DIP2B: variants seen among roughly 807,000 people sequenced by gnomAD.
The protein encoded by DIP2B is disco-interacting protein 2 homolog B.
In DIP2B, 76 loss-of-function variants were observed where a neutral mutation model predicts 198.0. The observed-to-expected ratio is 0.38, with a 90% CI of 0.32 to 0.46. DIP2B has a LOEUF of 0.46. Ranked by LOEUF, DIP2B falls within the 20% of genes least tolerant of loss-of-function variation. DIP2B has a pLI of 0.99. For synonymous variants in DIP2B, 701 were observed against 739.1 expected (o/e 0.95, Z 0.84); for missense variants, 1,559 against 1,978.4 (o/e 0.79, Z 4.02).
chr12:50,539,343 A>T (rs1958298791), intron 1 of DIP2B, among the ~76,000 whole-genome samples: 1 of 151,592 alleles, frequency 6.6e-6, no homozygotes, highest in South Asian at 2.1e-4. Context: ...AAGTGTATGC[A>T]CAGGCCGGGT....
intron 1 of DIP2B, among the ~76,000 whole-genome samples, chr12:50,616,967 C>A (rs1937710833): frequency 1.3e-5 from 2 of 151,916 alleles, no homozygotes; most frequent in Admixed American, 1.3e-4. Context: ...TACTTGTATC[C>A]CTCATGTATG....
intron 10 of DIP2B, among the ~76,000 whole-genome samples, chr12:50,684,070 G>A (rs1477002778): frequency 6.6e-6 from 1 of 152,180 alleles, no homozygotes; most frequent in Non-Finnish European, 1.5e-5. Flanking sequence ...CTGTGATTGC[G>A]CCACTGCACT....
At chr12:50,609,618 C>T (rs1457398515) in intron 1 of DIP2B, among the ~76,000 whole-genome samples, 1 of 152,222 alleles carries the variant, frequency 6.6e-6, no homozygotes, top group Non-Finnish European at 1.5e-5. Flanking sequence ...CTGGAAGTTG[C>T]ACACATTCTT....
At chr12:50,683,341 T>C in intron 10 of DIP2B, 93 bp downstream of exon 10, 2 of 1,046,736 alleles carry the variant, frequency 1.9e-6, no homozygotes, top group Non-Finnish European at 2.8e-6. Context: ...TAAAAACTGT[T>C]CGACCATTTT....
intron 7 of DIP2B, 64 bp from the exon 8 acceptor site, chr12:50,678,615 G>A: frequency 6.6e-7 from 1 of 1,504,712 alleles, no homozygotes. Flanking sequence ...GTTGAGATTA[G>A]AGACCTAAGT....
chr12:50,509,258 G>A (rs1274182914), intron 1 of DIP2B, among the ~76,000 whole-genome samples: 1 of 152,200 alleles, frequency 6.6e-6, no homozygotes, highest in South Asian at 2.1e-4. Context: ...TTATCGTTGT[G>A]AGAGATAGAA....
At chr12:50,509,862 G>A (rs1020854060) in intron 1 of DIP2B, among the ~76,000 whole-genome samples, 1 of 152,170 alleles carries the variant, frequency 6.6e-6, no homozygotes. Flanking sequence ...TTCTGTCTAA[G>A]CAGTTGTAAC....
At position 50,674,508 on chromosome 12, in the gene DIP2B, T is replaced by C; in HGVS notation, c.675T>C (p.Thr225=). ...NFSAPPDVTT[T]TSSSSSSSSI... The stretch of plus-strand genomic sequence containing the variant: ...CTGCTCCTCCTGATGTCACTACAAC[T>C]ACCTCTTCCTCCTCATCATCTTCCT... Residue 225 remains threonine, a synonymous_variant, in exon 6 of 38, where the codon ACT becomes ACC. Coordinates refer to ENST00000301180, the MANE Select transcript of DIP2B (RefSeq NM_173602.3). 6.2e-7 allele frequency: 1 copy of C among 1,614,248 alleles called. No homozygotes were observed.
chr12:50,601,298 T>C (rs938530710), intron 1 of DIP2B, among the ~76,000 whole-genome samples: 3 of 151,932 alleles, frequency 2.0e-5, no homozygotes, highest in Non-Finnish European at 2.9e-5. Flanking sequence ...GGAAAGTCTT[T>C]TCATTTAAAG....
At chr12:50,731,659 T>A in intron 31 of DIP2B, 122 bp downstream of exon 31, 2 of 1,192,996 alleles carry the variant, frequency 1.7e-6, no homozygotes, top group Non-Finnish European at 2.3e-6. Context: ...GTCACTCAGT[T>A]AAAAAAGGGT....
chr12:50,555,004 A>G (rs779604760), intron 1 of DIP2B, among the ~76,000 whole-genome samples: 7 of 151,828 alleles, frequency 4.6e-5, no homozygotes, highest in Non-Finnish European at 7.4e-5. Context: ...TCCTGACCTC[A>G]TGATCTGCCT....
chr12:50,626,710 C>A (rs1937941961), intron 2 of DIP2B, among the ~76,000 whole-genome samples: 1 of 150,334 alleles, frequency 6.7e-6, no homozygotes, highest in Admixed American at 6.6e-5. Flanking sequence ...GTCTTTATTT[C>A]TGATTTTCTA....
chr12:50,571,559 T>TG (rs1458307673), intron 1 of DIP2B, among the ~76,000 whole-genome samples: 1 of 145,542 alleles, frequency 6.9e-6, no homozygotes, highest in Non-Finnish European at 1.5e-5. Context: ...TTTTTTTTTT[T>TG]TTTTTTTTTT....
intron 4 of DIP2B, among the ~76,000 whole-genome samples, chr12:50,669,243 T>G (rs1417658926): frequency 6.6e-6 from 1 of 152,178 alleles, no homozygotes; most frequent in Non-Finnish European, 1.5e-5. Context: ...TACTGTGTCA[T>G]AAGCACTCAT....
At position 50,548,116 on chromosome 12, in the gene DIP2B, G is replaced by GA. The variant is rs753831474; in HGVS notation, c.100+42881dup. ...AATGTGTATATATTTTTATACATAGGAAAAACGCATTGATTTTAGTGGCAA... is the reference window on the plus strand; with the variant it reads ...AATGTGTATATATTTTTATACATAGGAAAAAACGCATTGATTTTAGTGGCAA... On this transcript the variant is annotated intron_variant, in intron 1 of 37. Transcript: ENST00000301180. Among the ~76,000 whole-genome samples, 31 of 152,182 alleles carry GA rather than the reference G, an allele frequency of 2.0e-4. No individual in the cohort carries two copies. In the South Asian group the frequency reaches 4.8e-3, roughly 23 times the overall value.
chr12:50,603,465 A>G (rs904102980), intron 1 of DIP2B, among the ~76,000 whole-genome samples: 1 of 151,894 alleles, frequency 6.6e-6, no homozygotes, highest in Non-Finnish European at 1.5e-5. Flanking sequence ...CTTGGCCAGT[A>G]CGGTGGCTCA....
At chr12:50,540,739 C>T (rs1374398965) in intron 1 of DIP2B, among the ~76,000 whole-genome samples, 2 of 150,914 alleles carry the variant, frequency 1.3e-5, no homozygotes, top group Non-Finnish European at 3.0e-5. Flanking sequence ...TTAGTAGAGA[C>T]GGGGTTTCAC....
intron 3 of DIP2B, among the ~76,000 whole-genome samples, chr12:50,655,630 A>T (rs756190584): frequency 1.3e-5 from 2 of 152,246 alleles, no homozygotes; most frequent in African/African-American, 2.4e-5. Context: ...GACCAAAAGG[A>T]CTACAAATAA....
Position 50,716,958 on chromosome 12 carries a change from CTTTTTTTTTTT to C in DIP2B, c.2852-1738_2852-1728del, listed in dbSNP as rs4026694. 4.2e-4 allele frequency among the ~76,000 whole-genome samples: 25 copies of C among 58,924 alleles called. 2 individuals carry two copies. The highest frequency in any genetic ancestry group is 6.2e-4 in the Non-Finnish European group (21 of 33,762). The allele number at this position is 58,924 out of a possible 152,430, so 38.7% of individuals were successfully genotyped here. A position where few individuals can be genotyped will look rare whatever the true frequency, so the allele number is the denominator to read the frequency against. ...CCTATCCTAGATTTACGAATTGTTG[CTTTTTTTTTTT>C]TTTTTTTTTTTTGAGACAGAGTTTG... On this transcript the variant is annotated intron_variant, in intron 23 of 37. Transcript: ENST00000301180.
Sources: allele counts gnomAD v4.1 joint callset (sites outside exome capture counted in the v4.1 genomes callset), GRCh38; gene constraint gnomAD v4.1.1; transcripts MANE v1.5; gene names NCBI Gene and HGNC (gene_info 2026-07-23, HGNC 2026-07-21).